The following FBXL7 variants were observed in gnomAD, a reference collection of about 807,000 sequenced individuals.
FBXL7 encodes the protein F-box and leucine rich repeat protein 7.
In FBXL7, 12 loss-of-function variants were observed where a neutral mutation model predicts 38.3. The observed-to-expected ratio is 0.31, with a 90% CI of 0.20 to 0.51. FBXL7 has a LOEUF of 0.51. FBXL7 is among the 20% of genes least tolerant of loss of function. FBXL7 has a pLI of 0.98. For missense variants in FBXL7, 567 were observed against 676.4 expected (o/e 0.84, Z 1.79); for synonymous variants, 297 against 300.9 (o/e 0.99, Z 0.13).
Position 15,539,459 on chromosome 5 carries a change from T to C in FBXL7, c.37+38746T>C, listed in dbSNP as rs541205418. On this transcript the variant is annotated intron_variant, in intron 1 of 3. Transcript: ENST00000504595. ...GTACTTGGCTTACTTGCTTCCTCTT[T>C]TTAAGCAGATTGTAAGTCATCTGTG... 7.9e-5 allele frequency among the ~76,000 whole-genome samples: 12 copies of C among 152,350 alleles called. No individual in the cohort carries two copies. In the South Asian group the frequency reaches 2.5e-3, roughly 32 times the overall value.
chr5:15,602,200 A>T (rs926623751), intron 1 of FBXL7: 1 of 152,180 alleles, frequency 6.6e-6, no homozygotes, highest in East Asian at 1.9e-4. Flanking sequence ...GTCAGATAAT[A>T]AATTTTTATT....
chr5:15,780,531 T>C (rs1292459907), intron 2 of FBXL7, among the ~76,000 whole-genome samples: 1 of 152,072 alleles, frequency 6.6e-6, no homozygotes, highest in East Asian at 1.9e-4. Flanking sequence ...TATTAAGAAT[T>C]AGGAATGGAT....
intron 1 of FBXL7, among the ~76,000 whole-genome samples, chr5:15,508,674 T>C (rs1364800285): frequency 6.6e-6 from 1 of 152,186 alleles, no homozygotes; most frequent in African/African-American, 2.4e-5. Context: ...TGAAGGGTTA[T>C]TAGTTCTAAG....
chr5:15,877,221 G>A (rs1436118851), intron 2 of FBXL7, among the ~76,000 whole-genome samples: 5 of 152,102 alleles, frequency 3.3e-5, no homozygotes, highest in African/African-American at 4.8e-5. Flanking sequence ...TGTAAAAATT[G>A]TTTCAAGTCT....
At chr5:15,507,083 CTCT>C (rs1736668248) in intron 1 of FBXL7, among the ~76,000 whole-genome samples, 1 of 151,492 alleles carries the variant, frequency 6.6e-6, no homozygotes, top group Admixed American at 6.6e-5. Context: ...CCAGGGCGTG[CTCT>C]TCAAACGTAA....
intron 2 of FBXL7, among the ~76,000 whole-genome samples, chr5:15,643,776 T>C (rs1031757446): frequency 6.6e-6 from 1 of 152,116 alleles, no homozygotes; most frequent in Non-Finnish European, 1.5e-5. Context: ...TTGGGAACAT[T>C]GGAAAAAAGC....
At chr5:15,896,617 GC>G (rs1017803334) in intron 2 of FBXL7, among the ~76,000 whole-genome samples, 1 of 152,068 alleles carries the variant, frequency 6.6e-6, no homozygotes, top group Non-Finnish European at 1.5e-5. Flanking sequence ...TCCTTCCTCT[GC>G]CCCTTTGAAA....
At chr5:15,816,269 GTATA>G (rs79562693) in intron 2 of FBXL7, among the ~76,000 whole-genome samples, 4,186 of 149,864 alleles carry the variant, frequency 0.028, 208 homozygotes, top group African/African-American at 0.097. Flanking sequence ...ATATATGTGT[GTATA>G]TATATATATA....
chr5:15,821,169 C>A (rs1738159898), intron 2 of FBXL7, among the ~76,000 whole-genome samples: 1 of 152,174 alleles, frequency 6.6e-6, no homozygotes, highest in Admixed American at 6.5e-5. Flanking sequence ...TAAGAAATCA[C>A]TGGGAATTTC....
chr5:15,572,994 A>G (rs1028708236), intron 1 of FBXL7, among the ~76,000 whole-genome samples: 2 of 152,170 alleles, frequency 1.3e-5, no homozygotes, highest in Non-Finnish European at 2.9e-5. Context: ...TTCAGGGAAT[A>G]TGTCTCACTC....
chr5:15,692,800 C>T (rs1743222704), intron 2 of FBXL7, among the ~76,000 whole-genome samples: 1 of 152,138 alleles, frequency 6.6e-6, no homozygotes, highest in South Asian at 2.1e-4. Flanking sequence ...CTGCTCTCAG[C>T]CATCCAAGCA....
At chr5:15,746,290 G>A (rs1413121689) in intron 2 of FBXL7, among the ~76,000 whole-genome samples, 6 of 152,172 alleles carry the variant, frequency 3.9e-5, no homozygotes, top group South Asian at 2.1e-4. Context: ...CGGTAGAGTC[G>A]GCAGTTGGAT....
At chr5:15,644,215 T>C (rs759974936) in intron 2 of FBXL7, among the ~76,000 whole-genome samples, 4 of 151,118 alleles carry the variant, frequency 2.6e-5, no homozygotes, top group Non-Finnish European at 5.9e-5. Context: ...TCCCAGCACT[T>C]TGGGAGGCCG....
chr5:15,530,443 T>G (rs1203832460), intron 1 of FBXL7, among the ~76,000 whole-genome samples: 2 of 152,292 alleles, frequency 1.3e-5, no homozygotes, highest in Non-Finnish European at 1.5e-5. Context: ...ATTTGTTCAT[T>G]AAGGGATCCT....
chr5:15,629,040 G>A lies in FBXL7; in HGVS notation c.127+12968G>A, dbSNP rs1133842. ...TGCATGTAATCTGTGCACTTTGGGAGGCTGAGGTGGGAGGGTTGCTTGAGG... is the reference window on the plus strand; with the variant it reads ...TGCATGTAATCTGTGCACTTTGGGAAGCTGAGGTGGGAGGGTTGCTTGAGG... On this transcript the variant is annotated intron_variant, in intron 2 of 3. Transcript: ENST00000504595. Among the ~76,000 whole-genome samples, 537 of 152,168 alleles carry A rather than the reference G, an allele frequency of 3.5e-3. 1 individual carries two copies. The highest frequency in any genetic ancestry group is 0.011 in the African/African-American group (449 of 41,520).
chr5:15,779,595 T>C (rs1385158621), intron 2 of FBXL7, among the ~76,000 whole-genome samples: 2 of 152,146 alleles, frequency 1.3e-5, no homozygotes, highest in Non-Finnish European at 2.9e-5. Flanking sequence ...CAGTCATTGG[T>C]TTCCATGCCT....
At chr5:15,764,944 A>G (rs899252674) in intron 2 of FBXL7, among the ~76,000 whole-genome samples, 1 of 152,262 alleles carries the variant, frequency 6.6e-6, no homozygotes, top group Non-Finnish European at 1.5e-5. Flanking sequence ...TCCTTACATA[A>G]TAAGAGATAA....
chr5:15,701,642 A>C (rs1258723247), intron 2 of FBXL7, among the ~76,000 whole-genome samples: 1 of 152,348 alleles, frequency 6.6e-6, no homozygotes, highest in East Asian at 1.9e-4. Context: ...CAACATGGGA[A>C]CATGATAAAT....
At chr5:15,773,834 T>C (rs960070350) in intron 2 of FBXL7, among the ~76,000 whole-genome samples, 1 of 151,852 alleles carries the variant, frequency 6.6e-6, no homozygotes, top group South Asian at 2.1e-4. Flanking sequence ...GGGGGATGAG[T>C]GAAAGGAGAA....
Sources: allele counts gnomAD v4.1 joint callset (sites outside exome capture counted in the v4.1 genomes callset), GRCh38; gene constraint gnomAD v4.1.1; transcripts MANE v1.5; gene names NCBI Gene and HGNC (gene_info 2026-07-23, HGNC 2026-07-21).